CASK: variants seen among roughly 807,000 people sequenced by gnomAD.
CASK encodes the protein peripheral plasma membrane protein CASK.
CASK carries 4 observed loss-of-function variants against 82.9 expected under a neutral mutation model. That is an observed-to-expected ratio of 0.05 (90% CI 0.02 to 0.11). CASK has a LOEUF of 0.11. CASK is among the 10% of genes least tolerant of loss of function. The pLI is 1.00. For missense variants in CASK, 358 were observed against 720.9 expected (o/e 0.50, Z 5.76); for synonymous variants, 259 against 253.5 (o/e 1.02, Z -0.20).
intron 15 of CASK, among the ~76,000 whole-genome samples, chrX:41,578,110 A>C (rs2065509187): frequency 9.0e-6 from 1 of 111,303 alleles, no homozygotes. Context: ...GTTGAAGGGC[A>C]ATTGTGAAAG....
intron 2 of CASK, among the ~76,000 whole-genome samples, chrX:41,842,653 G>A (rs969001946): frequency 2.7e-5 from 3 of 110,904 alleles, no homozygotes; most frequent in Non-Finnish European, 3.8e-5. Context: ...AAGGCTACTC[G>A]GGGTACCTTG....
intron 2 of CASK, among the ~76,000 whole-genome samples, chrX:41,799,041 T>G (rs1462804189): frequency 8.9e-6 from 1 of 111,954 alleles, no homozygotes; most frequent in Non-Finnish European, 1.9e-5. Flanking sequence ...GAATTAATTC[T>G]AAAAATGGAA....
rs142465347 is a variant in CASK at position 41,574,570 on chromosome X, T to C, written c.1503+3770A>G. 4.7e-3 allele frequency among the ~76,000 whole-genome samples: 528 copies of C among 111,389 alleles called. 4 individuals carry two copies. Among genetic ancestry groups the C allele is most frequent in the African/African-American group, 0.017 (506 of 30,648 alleles). ...TTTTTGTTTTCTGATTATCCACTAT[T>C]AAAAAAAACAAGCATTCATAAACAT... is the stretch of plus-strand genomic sequence containing the variant. On this transcript the variant is annotated intron_variant, in intron 15 of 26. Coordinates refer to ENST00000378163, the MANE Select transcript of CASK (RefSeq NM_001367721.1).
At chrX:41,552,093 A>ATTT (rs1218077716) in intron 21 of CASK, among the ~76,000 whole-genome samples, 1 of 91,990 alleles carries the variant, frequency 1.1e-5, no homozygotes, top group Admixed American at 1.2e-4. Flanking sequence ...CACCTGGCTA[A>ATTT]TTTTTTTTTT....
intron 2 of CASK, among the ~76,000 whole-genome samples, chrX:41,792,832 C>CTT (rs1338353605): frequency 2.7e-5 from 3 of 111,306 alleles, no homozygotes; most frequent in Non-Finnish European, 5.7e-5. Flanking sequence ...TATTTTTACA[C>CTT]TTATAGCAAA....
chrX:41,888,411 C>A (rs868488095), intron 1 of CASK, among the ~76,000 whole-genome samples: 3 of 109,715 alleles, frequency 2.7e-5, no homozygotes, highest in African/African-American at 1.0e-4. Context: ...TTATTCCTCA[C>A]CCCCTCCCAC....
chrX:41,757,528 G>C (rs1217925667), intron 3 of CASK, among the ~76,000 whole-genome samples: 1 of 112,292 alleles, frequency 8.9e-6, no homozygotes, highest in Non-Finnish European at 1.9e-5. Flanking sequence ...GTGTACGTAT[G>C]TATTTATTTA....
chrX:41,690,439 C>T (rs899027754), intron 5 of CASK, among the ~76,000 whole-genome samples: 6 of 110,029 alleles, frequency 5.5e-5, no homozygotes, highest in Non-Finnish European at 7.6e-5. Flanking sequence ...CTCTGTCTCC[C>T]GGGTTCAAGC....
intron 2 of CASK, among the ~76,000 whole-genome samples, chrX:41,791,064 T>C (rs1456476961): frequency 3.6e-5 from 4 of 111,610 alleles, no homozygotes; most frequent in African/African-American, 1.3e-4. Context: ...GGTTACCATC[T>C]CTATTTTGAA....
chrX:41,661,413 C>G (rs1415214074), intron 7 of CASK, among the ~76,000 whole-genome samples: 2 of 111,273 alleles, frequency 1.8e-5, no homozygotes, highest in African/African-American at 6.5e-5. Context: ...GTGAGCTACC[C>G]AGTGCCAGGA....
intron 5 of CASK, among the ~76,000 whole-genome samples, chrX:41,688,043 C>A (rs1240731486): frequency 1.8e-5 from 2 of 108,758 alleles, no homozygotes; most frequent in African/African-American, 6.7e-5. Flanking sequence ...AAAATCCTGC[C>A]AATACAACAA....
chrX:41,627,981 G>T (rs1476349386), intron 9 of CASK, among the ~76,000 whole-genome samples: 1 of 111,431 alleles, frequency 9.0e-6, no homozygotes, highest in East Asian at 2.8e-4. Flanking sequence ...TCCAGCCTGG[G>T]CAACAAAAGT....
chrX:41,574,005 C>T (rs921801135), intron 15 of CASK, among the ~76,000 whole-genome samples: 1 of 111,405 alleles, frequency 9.0e-6, no homozygotes, highest in Non-Finnish European at 1.9e-5. Context: ...GGCGCTGTTC[C>T]TTCCAATCCT....
intron 14 of CASK, among the ~76,000 whole-genome samples, chrX:41,582,961 G>A (rs1358859984): frequency 4.5e-5 from 5 of 111,198 alleles, no homozygotes; most frequent in African/African-American, 1.3e-4. Context: ...TCTCCTACCT[G>A]TCCTCCCACC....
At chrX:41,765,047 G>A (rs2069084766) in intron 3 of CASK, among the ~76,000 whole-genome samples, 1 of 111,897 alleles carries the variant, frequency 8.9e-6, no homozygotes, top group Non-Finnish European at 1.9e-5. Flanking sequence ...AAGATTCAAT[G>A]ACTCTGCCTA....
chrX:41,642,212 G>A (rs1230729607), intron 8 of CASK, among the ~76,000 whole-genome samples: 1 of 111,534 alleles, frequency 9.0e-6, no homozygotes, highest in East Asian at 2.8e-4. Context: ...ACAGACGTGT[G>A]CATGTGTCTT....
intron 3 of CASK, among the ~76,000 whole-genome samples, chrX:41,759,811 A>G (rs2068967411): frequency 8.9e-6 from 1 of 112,175 alleles, no homozygotes; most frequent in Non-Finnish European, 1.9e-5. Flanking sequence ...TCTAAAATTG[A>G]TATGTAGTCT....
intron 3 of CASK, among the ~76,000 whole-genome samples, chrX:41,783,608 C>G (rs1271009570): frequency 9.0e-6 from 1 of 110,621 alleles, no homozygotes; most frequent in Non-Finnish European, 1.9e-5. Context: ...ATGTTAGAGG[C>G]CATCTCTAGT....
chrX:41,752,046 C>A (rs1209492559), intron 3 of CASK, among the ~76,000 whole-genome samples: 2 of 101,171 alleles, frequency 2.0e-5, no homozygotes, highest in Non-Finnish European at 4.0e-5. Context: ...ACCCCATCCC[C>A]ACCCACCAAA....
Sources: allele counts gnomAD v4.1 joint callset (sites outside exome capture counted in the v4.1 genomes callset), GRCh38; gene constraint gnomAD v4.1.1; transcripts MANE v1.5; gene names NCBI Gene and HGNC (gene_info 2026-07-23, HGNC 2026-07-21).